C10orf67: variants seen among roughly 807,000 people sequenced by gnomAD.
C10orf67 encodes chromosome 10 open reading frame 67.
C10orf67 carries 60 observed loss-of-function variants against 35.6 expected under a neutral mutation model. The observed-to-expected ratio is 1.68, with a 90% CI of 1.37 to 2.09. The LOEUF (loss-of-function observed/expected upper bound fraction) is 2.09. C10orf67 is among the 30% of genes most tolerant of loss of function. The probability of loss-of-function intolerance (pLI) is 0.00; values close to 1 mark genes in which losing one functional copy is unlikely to be tolerated. For synonymous variants in C10orf67, 167 were observed against 115.8 expected (o/e 1.44, Z -2.84); for missense variants, 474 against 330.2 (o/e 1.44, Z -3.38).
Position 23,322,528 on chromosome 10 carries a change from AT to A in C10orf67, c.336del (p.Lys112AsnfsTer5), listed in dbSNP as rs1371890717. The A allele has an allele frequency of 2.5e-6, 4 of 1,601,336 alleles. No individual in the cohort carries two copies. Among genetic ancestry groups the A allele is most frequent in the Non-Finnish European group, 3.4e-6 (4 of 1,171,374 alleles). On this transcript the variant is annotated frameshift_variant, in exon 3 of 16. Transcript: ENST00000636213. LOFTEE classifies it high-confidence loss of function. ...AGGAACCCAAAATCTACCTGGAGGG[AT>A]TTCATCATCTAAAAATGGAAAATAT... ...SSTQKLAQMM[K>X]SLQVDFGFLK...
downstream of C10orf67, chr10:23,201,991 T>G (rs916165868): frequency 1.3e-5 from 2 of 152,248 alleles, no homozygotes; most frequent in African/African-American, 2.4e-5. Flanking sequence ...TTATTTACCT[T>G]GCAATAATGT....
intron 13 of C10orf67, among the ~76,000 whole-genome samples, chr10:23,226,937 G>A (rs917879482): frequency 4.6e-5 from 7 of 152,178 alleles, no homozygotes; most frequent in Admixed American, 4.6e-4. Flanking sequence ...CTGAAATTGA[G>A]GCAATAATTA....
rs554426784 is a variant in C10orf67 at position 23,316,544 on chromosome 10, G to A, written c.546+4197C>T. Among the ~76,000 whole-genome samples, 11 of 152,288 alleles carry A rather than the reference G, an allele frequency of 7.2e-5. No homozygotes were observed. In the South Asian group the frequency reaches 8.3e-4, roughly 11 times the overall value. The stretch of plus-strand genomic sequence containing the variant: ...ACCATTTGGTGGGTCCCAAGTTCTC[G>A]TCCCACACGCAGGAAGAATGAGATA... On this transcript the variant is annotated intron_variant, in intron 4 of 15. Transcript: ENST00000636213.
At chr10:23,282,213 TTC>T (rs1190813622) in intron 7 of C10orf67, 135 bp from the exon 8 acceptor site, 8 of 359,608 alleles carry the variant, frequency 2.2e-5, no homozygotes, top group Non-Finnish European at 3.1e-5. Flanking sequence ...AAAAATAAAT[TTC>T]TACAGATTAT....
intron 4 of C10orf67, chr10:23,318,464 A>G (rs1302828929): frequency 1.2e-5 from 2 of 163,056 alleles, no homozygotes; most frequent in Non-Finnish European, 1.3e-5. Context: ...AATAAGGATG[A>G]ACTTGCAAGA....
intron 12 of C10orf67, among the ~76,000 whole-genome samples, chr10:23,240,612 T>C (rs1285752874): frequency 6.6e-6 from 1 of 152,144 alleles, no homozygotes; most frequent in Non-Finnish European, 1.5e-5. Flanking sequence ...AATTAGGAGA[T>C]TTGCTGTCAG....
At chr10:23,297,945 C>T (rs1181498892) in intron 5 of C10orf67, among the ~76,000 whole-genome samples, 2 of 152,186 alleles carry the variant, frequency 1.3e-5, no homozygotes, top group Non-Finnish European at 2.9e-5. Context: ...GCTACTGCCA[C>T]CACTACCCGT....
intron 15 of C10orf67, among the ~76,000 whole-genome samples, chr10:23,219,096 C>T (rs1841508349): frequency 6.6e-6 from 1 of 152,146 alleles, no homozygotes; most frequent in Non-Finnish European, 1.5e-5. Context: ...GGGTCCAAGG[C>T]TTCAAAGGGT....
intron 4 of C10orf67, among the ~76,000 whole-genome samples, chr10:23,307,401 C>T (rs1228868243): frequency 1.3e-5 from 2 of 151,950 alleles, no homozygotes; most frequent in Non-Finnish European, 2.9e-5. Flanking sequence ...GATTTGTAAG[C>T]TCAAATTGTC....
Position 23,264,882 on chromosome 10 carries a change from C to T in C10orf67, c.1200+1380G>A, listed in dbSNP as rs113131309. ...CATGACTGATTTCATGGCAGCTGAC[C>T]CAGCCTTGGGCCCCTCACCCAGCAT... On this transcript the variant is annotated intron_variant, in intron 10 of 15. Coordinates refer to ENST00000636213, the MANE Select transcript of C10orf67 (RefSeq NM_001371909.1). Among the ~76,000 whole-genome samples, 294 of 152,318 alleles carry T rather than the reference C, an allele frequency of 1.9e-3. 4 individuals are homozygous for T. The highest frequency in any genetic ancestry group is 6.7e-3 in the African/African-American group (277 of 41,568).
intron 8 of C10orf67, among the ~76,000 whole-genome samples, chr10:23,267,856 G>T (rs1214155477): frequency 6.6e-6 from 1 of 151,518 alleles, no homozygotes; most frequent in African/African-American, 2.4e-5. Flanking sequence ...AGCCAAGATA[G>T]TGCCATTGCA....
At chr10:23,281,219 C>A (rs911668847) in intron 8 of C10orf67, among the ~76,000 whole-genome samples, 1 of 152,116 alleles carries the variant, frequency 6.6e-6, no homozygotes, top group Admixed American at 6.5e-5. Context: ...ACCCAAAACA[C>A]AGGGTGCTGA....
chr10:23,238,234 G>C (rs1256611993), intron 13 of C10orf67, among the ~76,000 whole-genome samples: 5 of 152,038 alleles, frequency 3.3e-5, no homozygotes, highest in Non-Finnish European at 7.4e-5. Context: ...CTAGAGAGAG[G>C]GAACCAAGGG....
At chr10:23,307,081 T>G (rs1036058821) in intron 4 of C10orf67, among the ~76,000 whole-genome samples, 1 of 152,202 alleles carries the variant, frequency 6.6e-6, no homozygotes, top group African/African-American at 2.4e-5. Context: ...CCTTGACATC[T>G]TGTTTTAAGC....
intron 4 of C10orf67, among the ~76,000 whole-genome samples, chr10:23,308,905 C>T (rs946615086): frequency 2.0e-5 from 3 of 152,108 alleles, no homozygotes; most frequent in Non-Finnish European, 4.4e-5. Context: ...ATCCAGATGC[C>T]ACCTGCTCTG....
intron 4 of C10orf67, among the ~76,000 whole-genome samples, chr10:23,313,682 T>A (rs1844580637): frequency 6.6e-6 from 1 of 152,132 alleles, no homozygotes; most frequent in Non-Finnish European, 1.5e-5. Context: ...AGGTGGTTAA[T>A]AACTTGAGGA....
intron 2 of C10orf67, among the ~76,000 whole-genome samples, chr10:23,327,205 T>C (rs1444792294): frequency 6.6e-6 from 1 of 151,792 alleles, no homozygotes; most frequent in Non-Finnish European, 1.5e-5. Context: ...AAAAAAGGTA[T>C]AGAAAAATAA....
chr10:23,332,969 A>G, intron 2 of C10orf67, 93 bp downstream of exon 2: 1 of 1,300,898 alleles, frequency 7.7e-7, no homozygotes. Flanking sequence ...CATTTTAAAA[A>G]TTTTAATTAT....
At chr10:23,289,160 T>C (rs1843637995) in intron 7 of C10orf67, among the ~76,000 whole-genome samples, 1 of 152,078 alleles carries the variant, frequency 6.6e-6, no homozygotes, top group Non-Finnish European at 1.5e-5. Context: ...TGGGGGTTGG[T>C]GGTGTGTGTG....
Sources: gnomAD v4.1 joint callset for allele counts (sites outside exome capture counted in the v4.1 genomes callset) on GRCh38, gnomAD v4.1.1 for gene constraint, MANE v1.5 for transcripts, NCBI Gene and HGNC (gene_info 2026-07-23, HGNC 2026-07-21) for gene names.